Variants in TMEM150C observed in about 807,000 individuals in gnomAD.
TMEM150C encodes the protein tentonin 3.
In TMEM150C, 10 loss-of-function variants were observed where a neutral mutation model predicts 29.9. The ratio of observed to expected loss-of-function variants is 0.33; its 90% CI spans 0.21 to 0.57. The LOEUF (loss-of-function observed/expected upper bound fraction) is 0.57. Ranked by LOEUF, TMEM150C falls within the 20% of genes least tolerant of loss-of-function variation. The pLI, the probability that TMEM150C is intolerant of heterozygous loss-of-function variation, is 0.88. For synonymous variants in TMEM150C, 101 were observed against 112.5 expected, an observed-to-expected ratio of 0.90 and a Z score of 0.64; for missense variants, 251 against 303.6, an observed-to-expected ratio of 0.83 and a Z score of 1.29.
At chr4:82,505,296 C>T (rs1299987389) in intron 1 of TMEM150C, among the ~76,000 whole-genome samples, 2 of 152,152 alleles carry the variant, frequency 1.3e-5, no homozygotes, top group Non-Finnish European at 2.9e-5. Context: ...ATCCTCCTAC[C>T]TTGACCTTCC....
Position 82,524,516 on chromosome 4 carries a change from T to C in TMEM150C, c.-10-19849A>G, listed in dbSNP as rs72658975. ...ATTACTTGCAGCTTTCTTTAGTCTC[T>C]GCAGAAAATTACTCAAGTAATTGTC... On this transcript the variant is annotated intron_variant, in intron 1 of 7. Coordinates refer to ENST00000449862, the MANE Select transcript of TMEM150C (RefSeq NM_001080506.3). Among the ~76,000 whole-genome samples the C allele has an allele frequency of 9.2e-3, 1,396 of 152,338 alleles. 43 individuals are homozygous for C. The highest frequency in any genetic ancestry group is 0.059 in the Admixed American group (908 of 15,298).
At position 82,513,248 on chromosome 4, in the gene TMEM150C, C is replaced by T. The variant is rs143934336; in HGVS notation, c.-10-8581G>A. On this transcript the variant is annotated intron_variant, in intron 1 of 7. Coordinates refer to ENST00000449862, the MANE Select transcript of TMEM150C (RefSeq NM_001080506.3). ...AAAAGCTTCCAGAGGAAGGAACAAACAGCAATCTTTGCTGGTCTTCAGCCT... is the reference window on the plus strand; with the variant it reads ...AAAAGCTTCCAGAGGAAGGAACAAATAGCAATCTTTGCTGGTCTTCAGCCT... 3.4e-3 allele frequency among the ~76,000 whole-genome samples: 521 copies of T among 152,268 alleles called. 4 individuals carry two copies. Among genetic ancestry groups the T allele is most frequent in the African/African-American group, 0.012 (498 of 41,550 alleles).
chr4:82,530,673 TA>T (rs1234555456), intron 1 of TMEM150C, among the ~76,000 whole-genome samples: 1 of 152,206 alleles, frequency 6.6e-6, no homozygotes, highest in East Asian at 1.9e-4. Flanking sequence ...TACAATGGCA[TA>T]AAAGGTAGAT....
intron 1 of TMEM150C, among the ~76,000 whole-genome samples, chr4:82,536,466 C>T (rs975453244): frequency 4.6e-5 from 7 of 151,040 alleles, no homozygotes; most frequent in East Asian, 1.9e-4. Flanking sequence ...CACACACATA[C>T]GCTATAGGTG....
chr4:82,552,285 T>A (rs1026641920), intron 1 of TMEM150C, among the ~76,000 whole-genome samples: 2 of 152,216 alleles, frequency 1.3e-5, no homozygotes, highest in African/African-American at 4.8e-5. Context: ...TAAAATGTGC[T>A]CTATAAATGT....
chr4:82,483,686 G>A lies in TMEM150C; in HGVS notation c.*1825C>T, dbSNP rs1723067064. 2 of 152,090 alleles carry A rather than the reference G, an allele frequency of 1.3e-5. No homozygotes were observed. Among genetic ancestry groups the A allele is most frequent in the African/African-American group, 4.8e-5 (2 of 41,386 alleles). 9.4% of individuals were successfully genotyped at this position (152,090 alleles called of 1,614,324 possible). A position where few individuals can be genotyped will look rare whatever the true frequency, so the allele number is the denominator to read the frequency against. Reference sequence around the variant, plus strand: ...GACATTTATTGAGCACCTAGTATGTGCCAGGCACTGTGTTAAGAGGTGGGG... The same window carrying A: ...GACATTTATTGAGCACCTAGTATGTACCAGGCACTGTGTTAAGAGGTGGGG... On this transcript the variant is annotated 3_prime_UTR_variant, in exon 8 of 8. Coordinates refer to ENST00000449862, the MANE Select transcript of TMEM150C (RefSeq NM_001080506.3).
intron 1 of TMEM150C, among the ~76,000 whole-genome samples, chr4:82,550,810 A>C (rs998727527): frequency 1.3e-5 from 2 of 152,060 alleles, no homozygotes; most frequent in Admixed American, 6.5e-5. Context: ...AAAGAAAGAA[A>C]GAAAGAAAGG....
intron 1 of TMEM150C, among the ~76,000 whole-genome samples, chr4:82,532,459 A>G (rs1178520646): frequency 6.6e-6 from 1 of 152,236 alleles, no homozygotes; most frequent in Non-Finnish European, 1.5e-5. Flanking sequence ...AGCGACAATC[A>G]ATGAGCTTTT....
At chr4:82,488,953 C>T (rs941575221) in intron 7 of TMEM150C, among the ~76,000 whole-genome samples, 5 of 151,896 alleles carry the variant, frequency 3.3e-5, no homozygotes, top group Middle Eastern at 3.4e-3. Flanking sequence ...GAGACAGAGT[C>T]GATCTTAGCT....
At chr4:82,542,550 T>C (rs528493728) in intron 1 of TMEM150C, among the ~76,000 whole-genome samples, 1 of 152,314 alleles carries the variant, frequency 6.6e-6, no homozygotes, top group Admixed American at 6.5e-5. Context: ...GAGATTCCGG[T>C]GGCCAAAAGG....
At chr4:82,559,077 G>T (rs892802893) in intron 1 of TMEM150C, among the ~76,000 whole-genome samples, 2 of 151,918 alleles carry the variant, frequency 1.3e-5, no homozygotes, top group African/African-American at 2.4e-5. Flanking sequence ...TCCACCCCCT[G>T]CCTGCAAAAC....
At chr4:82,500,095 G>A (rs543209543) in intron 5 of TMEM150C, among the ~76,000 whole-genome samples, 3 of 152,312 alleles carry the variant, frequency 2.0e-5, no homozygotes, top group Non-Finnish European at 2.9e-5. Context: ...CCCGTGGAAA[G>A]AAATGCAGTT....
chr4:82,556,450 A>G (rs1725739689), intron 1 of TMEM150C, among the ~76,000 whole-genome samples: 1 of 152,236 alleles, frequency 6.6e-6, no homozygotes, highest in African/African-American at 2.4e-5. Context: ...TAACCTGCTC[A>G]ATTGATTTTA....
At chr4:82,537,415 A>G (rs77036254) in intron 1 of TMEM150C, among the ~76,000 whole-genome samples, 3,944 of 152,340 alleles carry the variant, frequency 0.026, 164 homozygotes, top group African/African-American at 0.089. Flanking sequence ...GGTATTCTCC[A>G]TACCATTGAT....
chr4:82,527,429 C>G (rs1410125743), intron 1 of TMEM150C, among the ~76,000 whole-genome samples: 1 of 152,162 alleles, frequency 6.6e-6, no homozygotes, highest in Non-Finnish European at 1.5e-5. Context: ...CACTGCTCCC[C>G]CTTCCTCTAG....
intron 1 of TMEM150C, among the ~76,000 whole-genome samples, chr4:82,536,601 G>A (rs1054297459): frequency 6.6e-6 from 1 of 151,910 alleles, no homozygotes; most frequent in Non-Finnish European, 1.5e-5. Flanking sequence ...GAACAGCTGA[G>A]CATGATGGTG....
chr4:82,542,529 G>C (rs1275571222), intron 1 of TMEM150C, among the ~76,000 whole-genome samples: 1 of 152,178 alleles, frequency 6.6e-6, no homozygotes, highest in African/African-American at 2.4e-5. Context: ...AGGTAAGCAG[G>C]ACCTACTCAT....
chr4:82,504,547 T>C (rs1413534390), intron 2 of TMEM150C, 31 bp downstream of exon 2: 1 of 1,578,490 alleles, frequency 6.3e-7, no homozygotes, highest in Non-Finnish European at 8.7e-7. Flanking sequence ...TGCACCTGAA[T>C]CCTTAAATAA....
At chr4:82,491,401 C>T in intron 6 of TMEM150C, 4 of 649,558 alleles carry the variant, frequency 6.2e-6, no homozygotes, top group Non-Finnish European at 1.1e-5. Flanking sequence ...AAAGCACTTA[C>T]AGAGGTTAAT....
Sources: gnomAD v4.1 joint callset for allele counts (sites outside exome capture counted in the v4.1 genomes callset) on GRCh38, gnomAD v4.1.1 for gene constraint, MANE v1.5 for transcripts, NCBI Gene and HGNC (gene_info 2026-07-23, HGNC 2026-07-21) for gene names.